The following SYT6 variants were observed in gnomAD, a reference collection of about 807,000 sequenced individuals.
SYT6 encodes the protein synaptotagmin 6.
A neutral mutation model predicts 38.4 loss-of-function variants in SYT6; 24 were observed. That is an observed-to-expected ratio of 0.62 (90% CI 0.45 to 0.88). The LOEUF (loss-of-function observed/expected upper bound fraction) is 0.88, where lower values mean the gene tolerates loss of function less well. SYT6 is among the 40% of genes least tolerant of loss of function. The probability of loss-of-function intolerance (pLI) is 0.00; values close to 1 mark genes in which losing one functional copy is unlikely to be tolerated. For missense variants in SYT6, 611 were observed against 621.0 expected (o/e 0.98, Z 0.17); for synonymous variants, 265 against 241.9 (o/e 1.10, Z -0.89).
chr1:114,098,017 T>C, intron 5 of SYT6, 140 bp from the exon 6 acceptor site: 1 of 968,970 alleles, frequency 1.0e-6, no homozygotes, highest in Non-Finnish European at 1.5e-6. Context: ...TTGGCAGGGC[T>C]TCTGGGTGTC....
At chr1:114,112,141 C>T (rs1193015753) in intron 3 of SYT6, among the ~76,000 whole-genome samples, 3 of 152,194 alleles carry the variant, frequency 2.0e-5, no homozygotes, top group Non-Finnish European at 4.4e-5. Context: ...AAATGATCAA[C>T]CAGAATTGAG....
chr1:114,124,800 G>C (rs955882356), intron 3 of SYT6, among the ~76,000 whole-genome samples: 4 of 152,230 alleles, frequency 2.6e-5, no homozygotes, highest in Non-Finnish European at 4.4e-5. Context: ...GTGGCAACAT[G>C]GGGGAGGGCT....
intron 4 of SYT6, among the ~76,000 whole-genome samples, chr1:114,101,003 CT>C (rs1230438080): frequency 1.3e-5 from 2 of 152,162 alleles, no homozygotes; most frequent in Non-Finnish European, 2.9e-5. Context: ...CCATGGGCCA[CT>C]GAGCAAATGT....
At chr1:114,092,205 T>A (rs78839080) in intron 7 of SYT6, 123 bp from the exon 8 acceptor site, 15,399 of 965,100 alleles carry the variant, frequency 0.016, 161 homozygotes, top group Non-Finnish European at 0.02. Context: ...TTTCTTGAAT[T>A]TTGCTGTCAG....
chr1:114,093,341 C>T (rs1675432925), intron 7 of SYT6, among the ~76,000 whole-genome samples: 1 of 152,224 alleles, frequency 6.6e-6, no homozygotes, highest in African/African-American at 2.4e-5. Flanking sequence ...TGTTACCCTT[C>T]TCTGGGCTCG....
chr1:114,110,877 C>T (rs753559179), intron 3 of SYT6, among the ~76,000 whole-genome samples: 2 of 152,340 alleles, frequency 1.3e-5, no homozygotes, highest in African/African-American at 4.8e-5. Context: ...CCAATCCATC[C>T]TCCTTGCTGT....
intron 3 of SYT6, among the ~76,000 whole-genome samples, chr1:114,124,834 C>T (rs1677631335): frequency 6.6e-6 from 1 of 152,170 alleles, no homozygotes; most frequent in South Asian, 2.1e-4. Context: ...ACCGGCTGGC[C>T]CAGGTGGACT....
chr1:114,128,862 T>G (rs1442602844), intron 3 of SYT6, among the ~76,000 whole-genome samples: 1 of 152,228 alleles, frequency 6.6e-6, no homozygotes, highest in Non-Finnish European at 1.5e-5. Context: ...CTTTCCTCTT[T>G]TCTATCTAAA....
At chr1:114,124,341 T>G (rs1054777550) in intron 3 of SYT6, among the ~76,000 whole-genome samples, 8 of 152,068 alleles carry the variant, frequency 5.3e-5, no homozygotes, top group Non-Finnish European at 1.2e-4. Context: ...TGTGAGAAGA[T>G]GGGGCCGGAA....
chr1:114,137,742 G>C lies in SYT6; in HGVS notation c.824C>G (p.Pro275Arg), dbSNP rs772791082. ...SDPYVKIYLL[P>R]DRKCKLQTRV... ...GGTCTGCAGCTTGCATTTGCGGTCA[G>C]GCAGGAGGTAGATCTTGACATAAGG... Residue 275 changes from proline to arginine, a missense_variant, in exon 3 of 8, where the codon CCT (proline) becomes CGT (arginine). Physicochemically the swap from Pro to Arg is moderately radical, Grantham distance 103. Coordinates refer to ENST00000610222, the MANE Select transcript of SYT6 (RefSeq NM_001253772.2). 6.2e-7 allele frequency: 1 copy of C among 1,614,188 alleles called. No individual in the cohort carries two copies. The highest frequency in any genetic ancestry group is 8.5e-7 in the Non-Finnish European group (1 of 1,180,038).
rs554322413 is a variant in SYT6, at chr1:114,089,294, G to A, written c.*2840C>T. ...GGAACATAAAATGACAAGAGAAATG[G>A]GCAAGAGACAGAGATTTAATTGAAT... is the stretch of plus-strand genomic sequence containing the variant. On this transcript the variant is annotated 3_prime_UTR_variant, in exon 8 of 8. Transcript: ENST00000610222. 5 of 152,798 alleles carry A rather than the reference G, an allele frequency of 3.3e-5. No individual in the cohort carries two copies. The highest frequency in any genetic ancestry group is 3.3e-4 in the Admixed American group (5 of 15,288). The allele number at this position is 152,798 out of a possible 1,614,324, so 9.5% of individuals were successfully genotyped here.
chr1:114,144,591 G>A (rs935859056), intron 1 of SYT6, among the ~76,000 whole-genome samples: 2 of 152,174 alleles, frequency 1.3e-5, no homozygotes, highest in African/African-American at 4.8e-5. Flanking sequence ...TGGAATGAAT[G>A]AGTGACTGAA....
rs557124542 is a variant in SYT6, at chr1:114,104,515, A to G, written c.1072-794T>C. 4.6e-5 allele frequency among the ~76,000 whole-genome samples: 7 copies of G among 152,216 alleles called. No individual in the cohort carries two copies. In the East Asian group the frequency reaches 7.7e-4, roughly 17 times the overall value. On this transcript the variant is annotated intron_variant, in intron 3 of 7. Coordinates refer to ENST00000610222, the MANE Select transcript of SYT6 (RefSeq NM_001253772.2). ...AGTGCCTTGCCAGGTTGCTTCCTCC[A>G]TTTGATGAAGGAGGGCGCTGTCACG...
At chr1:114,109,634 G>C (rs74112932) in intron 3 of SYT6, among the ~76,000 whole-genome samples, 1 of 152,198 alleles carries the variant, frequency 6.6e-6, no homozygotes, top group African/African-American at 2.4e-5. Context: ...TGCTTAGTAA[G>C]TATTGGCAAC....
At chr1:114,125,693 G>T (rs570734106) in intron 3 of SYT6, among the ~76,000 whole-genome samples, 1 of 152,102 alleles carries the variant, frequency 6.6e-6, no homozygotes, top group East Asian at 1.9e-4. Flanking sequence ...ACTGGACAAG[G>T]CTGACCTATA....
chr1:114,106,074 A>C (rs77227025), intron 3 of SYT6, among the ~76,000 whole-genome samples: 1 of 152,204 alleles, frequency 6.6e-6, no homozygotes, highest in Non-Finnish European at 1.5e-5. Context: ...GACACATAGC[A>C]AGTGCCCTGT....
intron 6 of SYT6, among the ~76,000 whole-genome samples, chr1:114,096,181 G>A (rs1675630305): frequency 1.3e-5 from 2 of 152,184 alleles, no homozygotes; most frequent in African/African-American, 2.4e-5. Flanking sequence ...GCTGGATGCT[G>A]TCTGCAGGTT....
chr1:114,134,294 G>C (rs145380997), intron 3 of SYT6, among the ~76,000 whole-genome samples: 3 of 152,190 alleles, frequency 2.0e-5, no homozygotes, highest in Non-Finnish European at 2.9e-5. Context: ...TACTTGAGCT[G>C]CTTCTCCTCC....
intron 1 of SYT6, among the ~76,000 whole-genome samples, chr1:114,140,575 C>T (rs1480279325): frequency 2.0e-5 from 3 of 152,090 alleles, no homozygotes; most frequent in Non-Finnish European, 2.9e-5. Context: ...TCTTTAAGGG[C>T]AAGGATTATG....
Sources: allele counts gnomAD v4.1 joint callset (sites outside exome capture counted in the v4.1 genomes callset), GRCh38; gene constraint gnomAD v4.1.1; transcripts MANE v1.5; gene names NCBI Gene and HGNC (gene_info 2026-07-23, HGNC 2026-07-21).